Variants in WDR33 observed in about 807,000 individuals in gnomAD.
WDR33 encodes pre-mRNA 3' end processing protein WDR33.
Under a neutral mutation model 164.9 loss-of-function variants are expected in WDR33, and 47 were observed. The ratio of observed to expected loss-of-function variants is 0.29; its 90% CI spans 0.23 to 0.36. The LOEUF (loss-of-function observed/expected upper bound fraction) is 0.36, where lower values mean the gene tolerates loss of function less well. WDR33 is among the 10% of genes least tolerant of loss of function. The probability of loss-of-function intolerance (pLI) is 1.00; values close to 1 mark genes in which losing one functional copy is unlikely to be tolerated. For missense variants in WDR33, 1,137 were observed against 1,754.1 expected, an observed-to-expected ratio of 0.65 and a Z score of 6.28; for synonymous variants, 505 against 589.0, an observed-to-expected ratio of 0.86 and a Z score of 2.06.
intron 7 of WDR33, among the ~76,000 whole-genome samples, chr2:127,749,186 A>C (rs1424967724): frequency 6.6e-6 from 1 of 152,098 alleles, no homozygotes; most frequent in African/African-American, 2.4e-5. Flanking sequence ...AAATAAAATA[A>C]AGTTAGACAG....
At chr2:127,756,268 A>C (rs2105423387) in intron 7 of WDR33, among the ~76,000 whole-genome samples, 1 of 150,590 alleles carries the variant, frequency 6.6e-6, no homozygotes, top group South Asian at 2.1e-4. Context: ...CGGGAGGCAG[A>C]GGTTGCAATG....
intron 18 of WDR33, among the ~76,000 whole-genome samples, chr2:127,711,211 GGCCA>G (rs1686152251): frequency 6.6e-6 from 1 of 152,084 alleles, no homozygotes; most frequent in Non-Finnish European, 1.5e-5. Flanking sequence ...GATCACTTGA[GGCCA>G]GGAGTTCGAG....
rs1473478980 is a variant in WDR33 at position 127,722,382 on chromosome 2, A to C, written c.1518+209T>G. Among the ~76,000 whole-genome samples the C allele has an allele frequency of 6.6e-6, 1 of 152,234 alleles. No homozygotes were observed. Among genetic ancestry groups the C allele is most frequent in the East Asian group, 1.9e-4 (1 of 5,202 alleles). On this transcript the variant is annotated intron_variant, in intron 14 of 21. Transcript: ENST00000322313. This position sits in a 1 kb window ranked among gnomAD's most constrained non-coding sequence, Gnocchi z 5.1. ...ATTTCCTCTCATAGCATGGATGATAATAAGCAGGTGAGGACAGAACAGAGA... is the reference window on the plus strand; with the variant it reads ...ATTTCCTCTCATAGCATGGATGATACTAAGCAGGTGAGGACAGAACAGAGA...
At chr2:127,782,933 C>T (rs557155192) in intron 1 of WDR33, among the ~76,000 whole-genome samples, 93 of 152,122 alleles carry the variant, frequency 6.1e-4, no homozygotes, top group African/African-American at 2.1e-3. Context: ...GGCAGGAAGC[C>T]GGCAGACAGA....
intron 1 of WDR33, among the ~76,000 whole-genome samples, chr2:127,806,762 T>C (rs1689455586): frequency 1.3e-5 from 2 of 151,748 alleles, no homozygotes; most frequent in Non-Finnish European, 2.9e-5. Context: ...TGATTTTATA[T>C]GTTTTCAGCT....
chr2:127,760,775 AT>A (rs770747027), intron 7 of WDR33, among the ~76,000 whole-genome samples: 25 of 152,174 alleles, frequency 1.6e-4, no homozygotes, highest in Non-Finnish European at 2.8e-4. Flanking sequence ...AGTAAGTAGA[AT>A]TTTTTTAAAA....
chr2:127,801,522 CA>C (rs78069448), intron 1 of WDR33, among the ~76,000 whole-genome samples: 71,576 of 136,502 alleles, frequency 0.52, 20,194 homozygotes, highest in African/African-American at 0.8. Context: ...AAACACACAA[CA>C]AAAAAAAAAA....
chr2:127,736,312 A>T (rs1686840238), intron 7 of WDR33: 1 of 985,294 alleles, frequency 1.0e-6, no homozygotes, highest in East Asian at 1.1e-4. Flanking sequence ...AAGGGCATGT[A>T]AAGGGGCCTT....
At chr2:127,731,317 A>AC (rs1491231258) in intron 7 of WDR33, among the ~76,000 whole-genome samples, 54 of 143,884 alleles carry the variant, frequency 3.8e-4, no homozygotes, top group African/African-American at 1.4e-3. Flanking sequence ...AAAAAAAAAA[A>AC]ACACAGAAAA....
At chr2:127,711,786 T>A (rs1241267522) in intron 18 of WDR33, among the ~76,000 whole-genome samples, 15 of 99,540 alleles carry the variant, frequency 1.5e-4, no homozygotes, top group African/African-American at 5.0e-4. Context: ...ATATATTTTT[T>A]TTTTGAGACA....
At position 127,722,962 on chromosome 2, in the gene WDR33, C is replaced by A; in HGVS notation, c.1374G>T (p.Gln458His). ...EQLKLAMEQE[Q>H]MGKDESNEIE... ...TGTCTGTGTAACTTCTCTTACCCAT[C>A]TGTTCTTGTTCCATAGCTAATTTTA... Residue 458 changes from glutamine (Q) to histidine (H), a missense_variant, in exon 13 of 22, where the codon CAG becomes CAT. By Grantham distance (24) the Gln-to-His change is conservative (BLOSUM62 0). Transcript: ENST00000322313. This position sits in a 1 kb window ranked among gnomAD's most constrained non-coding sequence, Gnocchi z 5.1. 3.1e-6 allele frequency: 5 copies of A among 1,604,150 alleles called. No homozygotes were observed. Among genetic ancestry groups the A allele is most frequent in the Non-Finnish European group, 4.2e-6 (5 of 1,177,410 alleles).
intron 1 of WDR33, among the ~76,000 whole-genome samples, chr2:127,792,129 G>A (rs1432050467): frequency 2.6e-5 from 4 of 151,610 alleles, no homozygotes; most frequent in Non-Finnish European, 4.4e-5. Flanking sequence ...AGTAGAGACT[G>A]GGTTTCACCG....
rs1159187822 is a variant in WDR33, at chr2:127,701,289, G to C, written c.*5034C>G. The stretch of plus-strand genomic sequence containing the variant: ...GCCAGACCGCAAGGGCGCCTACTCC[G>C]AACAAGGAAGAGGGTCAGGCGCTGG... On this transcript the variant is annotated 3_prime_UTR_variant, in exon 22 of 22. Transcript: ENST00000322313. The C allele has an allele frequency of 5.8e-6, 2 of 342,732 alleles. No individual in the cohort carries two copies. The highest frequency in any genetic ancestry group is 1.0e-5 in the Non-Finnish European group (2 of 192,434). 21.2% of individuals were successfully genotyped at this position (342,732 alleles called of 1,614,324 possible).
At position 127,720,024 on chromosome 2, in the gene WDR33, C is replaced by T. The variant is rs191935092; in HGVS notation, c.2001G>A (p.Arg667=). Residue 667 remains arginine (R), a synonymous_variant, in exon 16 of 22, where the codon CGG becomes CGA. Coordinates refer to ENST00000322313, the MANE Select transcript of WDR33 (RefSeq NM_018383.5). The surrounding 1 kb of genome is among the most constrained non-coding windows in gnomAD (Gnocchi z 5.9). ...CTTGGGGCCCATGCATGTCCTGAGG[C>T]CGTGGCAACCCCTGGGGCGGGCCCT... ...GPQGPPQGLP[R]PQDMHGPQGM... 2.2e-5 allele frequency: 35 copies of T among 1,613,690 alleles called. No homozygotes were observed. The highest frequency in any genetic ancestry group is 2.7e-5 in the Non-Finnish European group (32 of 1,179,866).
chr2:127,775,225 A>AT (rs1335227439), intron 1 of WDR33, among the ~76,000 whole-genome samples: 1 of 152,078 alleles, frequency 6.6e-6, no homozygotes, highest in African/African-American at 2.4e-5. Context: ...GTCTCACTGT[A>AT]TTGCCCAGGC....
rs1297033169 is a variant in WDR33, at chr2:127,713,752, G to A, written c.3139C>T (p.Arg1047Ter). 7 of 1,614,188 alleles carry A rather than the reference G, an allele frequency of 4.3e-6. No individual in the cohort carries two copies. Among genetic ancestry groups the A allele is most frequent in the Non-Finnish European group, 5.1e-6 (6 of 1,180,008 alleles). Residue 1047 changes from arginine to a stop codon, truncating the protein, a stop_gained, in exon 18 of 22, where the codon CGA (arginine) becomes TGA (stop). Coordinates refer to ENST00000322313, the MANE Select transcript of WDR33 (RefSeq NM_018383.5). LOFTEE classifies it high-confidence loss of function. The surrounding 1 kb of genome is among the most constrained non-coding windows in gnomAD (Gnocchi z 6.2). ...GGAAACGGAGGCCCAGGGCCCCCTC[G>A]CCTCCACTTCTCTTCTTGCGGTAAA... ...GPLPQEEKWR[R>*]GGPGPPFPPD...
chr2:127,767,390 T>A (rs981467968), intron 4 of WDR33, among the ~76,000 whole-genome samples: 4 of 152,218 alleles, frequency 2.6e-5, no homozygotes, highest in Non-Finnish European at 4.4e-5. Context: ...AAAATTATAT[T>A]TTTTAAATTT....
chr2:127,701,875 CGGCGCT>C lies in WDR33; in HGVS notation c.*4442_*4447del. The C allele has an allele frequency of 6.9e-7, 1 of 1,456,712 alleles. No homozygotes were observed. Among genetic ancestry groups the C allele is most frequent in the East Asian group, 3.1e-5 (1 of 32,404 alleles). 90.2% of individuals were successfully genotyped at this position (1,456,712 alleles called of 1,614,324 possible). ...TTCGCGCTGCTCTGGTCACTGGGCT[CGGCGCT>C]GGCGTTGGCGGGAAGCGCGCTGCTG... On this transcript the variant is annotated 3_prime_UTR_variant, in exon 22 of 22. Coordinates refer to ENST00000322313, the MANE Select transcript of WDR33 (RefSeq NM_018383.5).
At chr2:127,711,789 T>TTTTTTTTTTA in intron 18 of WDR33, among the ~76,000 whole-genome samples, 1 of 135,186 alleles carries the variant, frequency 7.4e-6, no homozygotes, top group African/African-American at 3.1e-5. Context: ...TATTTTTTTT[T>TTTTTTTTTTA]TGAGACAGAG....
Sources: allele counts gnomAD v4.1 joint callset (sites outside exome capture counted in the v4.1 genomes callset), GRCh38; gene constraint gnomAD v4.1.1; non-coding constraint Gnocchi (gnomAD v3.1); transcripts MANE v1.5; gene names NCBI Gene and HGNC (gene_info 2026-07-23, HGNC 2026-07-21).